The following ADCY1 variants were observed in gnomAD, a reference collection of about 807,000 sequenced individuals.
ADCY1 encodes adenylate cyclase 1, also known as adenylate cyclase type 1.
A neutral mutation model predicts 105.4 loss-of-function variants in ADCY1; 28 were observed. The observed-to-expected ratio is 0.27, with a 90% CI of 0.20 to 0.36. The LOEUF (loss-of-function observed/expected upper bound fraction) is 0.36, where lower values mean the gene tolerates loss of function less well. ADCY1 is among the 10% of genes least tolerant of loss of function. The probability of loss-of-function intolerance (pLI) is 1.00; values close to 1 mark genes in which losing one functional copy is unlikely to be tolerated. For missense variants in ADCY1, 977 were observed against 1,434.2 expected, an observed-to-expected ratio of 0.68 and a Z score of 5.15; for synonymous variants, 655 against 623.8, an observed-to-expected ratio of 1.05 and a Z score of -0.75.
At chr7:45,671,540 TATGAAGGATC>T (rs1784367678) in intron 8 of ADCY1, among the ~76,000 whole-genome samples, 1 of 152,212 alleles carries the variant, frequency 6.6e-6, no homozygotes, top group African/African-American at 2.4e-5. Context: ...ATCCCCAGTG[TATGAAGGATC>T]CAGTTCATCT....
chr7:45,686,532 C>T lies in ADCY1; in HGVS notation c.2328-15C>T. 6.2e-7 allele frequency: 1 copy of T among 1,603,132 alleles called. No individual in the cohort carries two copies. The highest frequency in any genetic ancestry group is 8.5e-7 in the Non-Finnish European group (1 of 1,173,470). ...CTCGGCACTGACTTGGCTTTTCTTC[C>T]TCATCTTCCCCCAGGGGTGGTGCCG... On this transcript the variant is annotated splice_polypyrimidine_tract_variant and intron_variant, in intron 13 of 19. Transcript: ENST00000297323. This position sits in a 1 kb window ranked among gnomAD's most constrained non-coding sequence, Gnocchi z 4.3.
At chr7:45,611,328 C>A (rs576192088) in intron 3 of ADCY1, among the ~76,000 whole-genome samples, 1 of 152,000 alleles carries the variant, frequency 6.6e-6, no homozygotes, top group Admixed American at 6.5e-5. Flanking sequence ...TTGGGTGATG[C>A]ATGTTACAGT....
chr7:45,694,130 A>C (rs935580513), intron 14 of ADCY1, among the ~76,000 whole-genome samples: 6 of 151,078 alleles, frequency 4.0e-5, no homozygotes, highest in African/African-American at 1.2e-4. Context: ...AAAAAAAAAA[A>C]AAAAAAACAC....
Position 45,575,029 on chromosome 7 carries a change from G to C in ADCY1, c.486G>C (p.Gly162=), listed in dbSNP as rs1297792639. The part of the protein sequence containing the change: ...AAGGPATAEQ[G]VWQLLLVTFV... The stretch of plus-strand genomic sequence containing the variant: ...GGGGGCCAGCGACCGCCGAACAAGG[G>C]GTTTGGCAGCTCCTTTTGGTCACCT... The change falls in exon 1 of 20, where the codon GGG becomes GGC. Residue 162 remains glycine (G), a synonymous_variant. Transcript: ENST00000297323. This position sits in a 1 kb window ranked among gnomAD's most constrained non-coding sequence, Gnocchi z 4.7. The C allele has an allele frequency of 1.2e-6, 2 of 1,612,500 alleles. No individual in the cohort carries two copies. The highest frequency in any genetic ancestry group is 1.3e-5 in the African/African-American group (1 of 75,034).
At chr7:45,610,539 G>C (rs766387665) in intron 3 of ADCY1, 42 bp downstream of exon 3, 70 of 1,552,142 alleles carry the variant, frequency 4.5e-5, no homozygotes, top group Non-Finnish European at 6.0e-5. Flanking sequence ...AGCCTGGGAA[G>C]CTGAGGTGTG....
chr7:45,577,491 GAC>G (rs1792384558), intron 1 of ADCY1, among the ~76,000 whole-genome samples: 1 of 152,190 alleles, frequency 6.6e-6, no homozygotes, highest in African/African-American at 2.4e-5. Context: ...TGGTGAAGAA[GAC>G]AGCACACGCA....
chr7:45,667,400 T>G (rs1246381014), intron 8 of ADCY1, among the ~76,000 whole-genome samples: 7 of 152,292 alleles, frequency 4.6e-5, no homozygotes, highest in South Asian at 4.1e-4. Flanking sequence ...TTTCCCCATT[T>G]CTTGTTTTTG....
intron 11 of ADCY1, among the ~76,000 whole-genome samples, chr7:45,681,669 G>C (rs926380397): frequency 6.6e-6 from 1 of 152,134 alleles, no homozygotes; most frequent in African/African-American, 2.4e-5. Flanking sequence ...GCTCCTGTTC[G>C]CAGGCTCTGC....
intron 2 of ADCY1, among the ~76,000 whole-genome samples, chr7:45,606,285 G>A (rs1381420061): frequency 1.3e-5 from 2 of 151,894 alleles, no homozygotes; most frequent in Non-Finnish European, 2.9e-5. Context: ...TGGGGTGGGG[G>A]TGGAGGTCTG....
chr7:45,687,056 GGGAAATACAAGAAAAT>G (rs1784693913), intron 14 of ADCY1, among the ~76,000 whole-genome samples: 1 of 152,178 alleles, frequency 6.6e-6, no homozygotes, highest in Non-Finnish European at 1.5e-5. Flanking sequence ...CGGGGTCATT[GGGAAATACAAGAAAAT>G]GCCAAAACTC....
intron 8 of ADCY1, among the ~76,000 whole-genome samples, chr7:45,672,646 G>A (rs769525756): frequency 2.4e-4 from 36 of 151,580 alleles, no homozygotes; most frequent in Middle Eastern, 3.4e-3. Flanking sequence ...TATTTTTTAC[G>A]TTTATCTTTT....
rs1253208443 is a variant in ADCY1, at chr7:45,722,877, T to C, written c.*8882T>C. 1 of 152,656 alleles carries C rather than the reference T, an allele frequency of 6.6e-6. No individual in the cohort carries two copies. The highest frequency in any genetic ancestry group is 1.5e-5 in the Non-Finnish European group (1 of 68,038). 9.5% of individuals were successfully genotyped at this position (152,656 alleles called of 1,614,324 possible). ...TCTCATGATAGATTTGTATGATCAA[T>C]ACGGGTCTATTTTTATGTCAACTGA... On this transcript the variant is annotated 3_prime_UTR_variant, in exon 20 of 20. Transcript: ENST00000297323.
chr7:45,627,609 T>A (rs542316591), intron 4 of ADCY1, among the ~76,000 whole-genome samples: 15 of 152,286 alleles, frequency 9.8e-5, no homozygotes, highest in African/African-American at 3.6e-4. Context: ...CTGGGGGACC[T>A]CTGATGGCGC....
chr7:45,700,946 G>A (rs543508627), intron 14 of ADCY1, among the ~76,000 whole-genome samples: 15 of 152,320 alleles, frequency 9.8e-5, no homozygotes, highest in African/African-American at 3.1e-4. Context: ...AGCCCTCCAG[G>A]CTCTGACCTC....
intron 2 of ADCY1, among the ~76,000 whole-genome samples, chr7:45,604,594 G>A (rs1310996956): frequency 6.6e-6 from 1 of 152,128 alleles, no homozygotes; most frequent in Admixed American, 6.5e-5. Flanking sequence ...TTCCTCCATT[G>A]AATTACTTTT....
At chr7:45,701,569 GA>G (rs1198899544) in intron 14 of ADCY1, among the ~76,000 whole-genome samples, 1 of 152,136 alleles carries the variant, frequency 6.6e-6, no homozygotes, top group Admixed American at 6.5e-5. Flanking sequence ...TATTATTTTA[GA>G]AAATATTCTT....
intron 8 of ADCY1, among the ~76,000 whole-genome samples, chr7:45,667,030 C>T (rs997317471): frequency 3.3e-5 from 5 of 151,986 alleles, no homozygotes; most frequent in African/African-American, 1.2e-4. Context: ...GGATATTAGC[C>T]CTTTGTCAGA....
intron 8 of ADCY1, among the ~76,000 whole-genome samples, chr7:45,667,311 C>T (rs538724706): frequency 1.1e-4 from 16 of 152,162 alleles, no homozygotes; most frequent in African/African-American, 3.1e-4. Context: ...TTGTATAAGG[C>T]GTAAGGAAGG....
rs140981457 is a variant in ADCY1, at chr7:45,694,115, TAA to T, written c.2454+7463_2454+7464del. ...ATGTACCCTAAAACTTAGAGTATAA[TAA>T]AAAAAAAAAAAAAAAAAAAACACTG... is the stretch of plus-strand genomic sequence containing the variant. On this transcript the variant is annotated intron_variant, in intron 14 of 19. Coordinates refer to ENST00000297323, the MANE Select transcript of ADCY1 (RefSeq NM_021116.4). Among the ~76,000 whole-genome samples, 116 of 115,444 alleles carry T rather than the reference TAA, an allele frequency of 1.0e-3. 2 individuals are homozygous for T. The South Asian group carries it at 0.012, about 12-fold the overall frequency. The allele number at this position is 115,444 out of a possible 152,430, so 75.7% of individuals were successfully genotyped here. A position where few individuals can be genotyped will look rare whatever the true frequency, so the allele number is the denominator to read the frequency against.
Sources: gnomAD v4.1 joint callset for allele counts (sites outside exome capture counted in the v4.1 genomes callset) on GRCh38, gnomAD v4.1.1 for gene constraint, Gnocchi (gnomAD v3.1) non-coding constraint, MANE v1.5 for transcripts, NCBI Gene and HGNC (gene_info 2026-07-23, HGNC 2026-07-21) for gene names.